The following UVRAG variants were observed in gnomAD, a reference collection of about 807,000 sequenced individuals.
The protein encoded by UVRAG is UV radiation resistance-associated gene protein.
Under a neutral mutation model 78.0 loss-of-function variants are expected in UVRAG, and 19 were observed. The observed-to-expected ratio is 0.24, with a 90% confidence interval of 0.17 to 0.36. The LOEUF is 0.36. Ranked by LOEUF, UVRAG falls within the 10% of genes least tolerant of loss-of-function variation. UVRAG has a pLI of 1.00. For synonymous variants in UVRAG, 323 were observed against 324.6 expected (o/e 1.00, Z 0.05); for missense variants, 740 against 853.8 (o/e 0.87, Z 1.66).
At chr11:75,981,507 A>G (rs1055165610) in intron 7 of UVRAG, among the ~76,000 whole-genome samples, 2 of 151,932 alleles carry the variant, frequency 1.3e-5, no homozygotes, top group African/African-American at 2.4e-5. Flanking sequence ...CTGAAGTACA[A>G]TGGCATCATC....
intron 5 of UVRAG, among the ~76,000 whole-genome samples, chr11:75,894,293 A>G (rs2134952654): frequency 6.6e-6 from 1 of 152,202 alleles, no homozygotes; most frequent in South Asian, 2.1e-4. Flanking sequence ...TAGCAATTTG[A>G]CGTTATTGTG....
chr11:76,115,776 A>C (rs1276292782), intron 13 of UVRAG, 148 bp from the exon 14 acceptor site: 1 of 661,218 alleles, frequency 1.5e-6, no homozygotes, highest in African/African-American at 1.8e-5. Flanking sequence ...AATACCCAGT[A>C]AGTGGAAAGT....
At chr11:75,985,149 C>A (rs1022356478) in intron 8 of UVRAG, among the ~76,000 whole-genome samples, 1 of 133,374 alleles carries the variant, frequency 7.5e-6, no homozygotes, top group African/African-American at 2.9e-5. Flanking sequence ...TCAGGAATTT[C>A]TTTTCTTTTT....
chr11:75,866,357 C>CAATAAATAAATAAATAAATA (rs376334935), intron 3 of UVRAG, among the ~76,000 whole-genome samples: 3 of 148,706 alleles, frequency 2.0e-5, no homozygotes, highest in African/African-American at 7.7e-5. Flanking sequence ...CCCATCTCTA[C>CAATAAATAAATAAATAAATA]AATAAATAAA....
In UVRAG at chr11:75,871,566, G is replaced by C. The variant is rs571737639; in HGVS notation, c.271-8313G>C. The stretch of plus-strand genomic sequence containing the variant: ...CCCAAAGTGCTCGGATTACAGGCAC[G>C]AGCCACCGCGCCCGGACTGCATCTG... On this transcript the variant is annotated intron_variant, in intron 3 of 14. Transcript: ENST00000356136. Among the ~76,000 whole-genome samples, 20 of 152,210 alleles carry C rather than the reference G, an allele frequency of 1.3e-4. No homozygotes were observed. In the South Asian group the frequency reaches 3.9e-3, roughly 30 times the overall value.
chr11:75,892,982 A>C (rs1947250362), intron 5 of UVRAG, among the ~76,000 whole-genome samples: 1 of 152,138 alleles, frequency 6.6e-6, no homozygotes. Flanking sequence ...ATTCAAGACC[A>C]GCCTAGCCAA....
At chr11:75,853,271 C>A (rs1157875503) in intron 2 of UVRAG, among the ~76,000 whole-genome samples, 2 of 151,662 alleles carry the variant, frequency 1.3e-5, no homozygotes. Flanking sequence ...TTTTTAATGT[C>A]AATTCCAGTA....
intron 1 of UVRAG, among the ~76,000 whole-genome samples, chr11:75,819,891 C>T (rs886537076): frequency 6.6e-6 from 1 of 152,068 alleles, no homozygotes; most frequent in African/African-American, 2.4e-5. Flanking sequence ...TTGCTTGAAC[C>T]TGGGAGGCAG....
At chr11:76,062,060 T>G (rs1245576244) in intron 12 of UVRAG, among the ~76,000 whole-genome samples, 1 of 152,088 alleles carries the variant, frequency 6.6e-6, no homozygotes, top group Non-Finnish European at 1.5e-5. Flanking sequence ...CCACACTCCT[T>G]TCTTTATCCT....
chr11:76,066,242 C>T (rs1011809176), intron 13 of UVRAG, among the ~76,000 whole-genome samples: 1 of 152,124 alleles, frequency 6.6e-6, no homozygotes, highest in South Asian at 2.1e-4. Flanking sequence ...AGCACATGAC[C>T]CTTCCAGTCT....
chr11:75,959,742 A>G (rs1948874265), intron 6 of UVRAG, among the ~76,000 whole-genome samples: 2 of 152,202 alleles, frequency 1.3e-5, no homozygotes, highest in African/African-American at 4.8e-5. Context: ...TTTTTGGCTT[A>G]TCTTGGCTTT....
At chr11:75,992,371 T>G (rs1949624409) in intron 8 of UVRAG, among the ~76,000 whole-genome samples, 1 of 152,152 alleles carries the variant, frequency 6.6e-6, no homozygotes, top group African/African-American at 2.4e-5. Flanking sequence ...TAACACTGAG[T>G]TTGTACTTGA....
chr11:76,019,685 GTCTC>G (rs901338994), intron 12 of UVRAG, among the ~76,000 whole-genome samples: 2 of 152,104 alleles, frequency 1.3e-5, no homozygotes, highest in African/African-American at 2.4e-5. Context: ...CTTTTTCTCA[GTCTC>G]TCTCTCTATG....
chr11:75,818,780 A>G (rs1489343448), intron 1 of UVRAG, among the ~76,000 whole-genome samples: 1 of 152,178 alleles, frequency 6.6e-6, no homozygotes, highest in Non-Finnish European at 1.5e-5. Flanking sequence ...CCCGGCTGGT[A>G]TCAATATTTC....
rs989582472 is a variant in UVRAG at position 75,989,042 on chromosome 11, A to G, written c.826+5529A>G. On this transcript the variant is annotated intron_variant, in intron 8 of 14. Coordinates refer to ENST00000356136, the MANE Select transcript of UVRAG (RefSeq NM_003369.4). ...TTAACAGTGTATTTTGAGTTTATTC[A>G]TCATTTTTTTTAAACTTTATTCTTT... Among the ~76,000 whole-genome samples, 7 of 151,820 alleles carry G rather than the reference A, an allele frequency of 4.6e-5. 1 individual carries two copies. The South Asian group carries it at 1.5e-3, about 32-fold the overall frequency.
Position 76,116,056 on chromosome 11 carries a change from G to A in UVRAG, c.1397+41G>A, listed in dbSNP as rs905985086. The A allele has an allele frequency of 5.7e-6, 9 of 1,578,984 alleles. No individual in the cohort carries two copies. The African/African-American group carries it at 1.1e-4, about 19-fold the overall frequency. On this transcript the variant is annotated intron_variant, in intron 14 of 14. Coordinates refer to ENST00000356136, the MANE Select transcript of UVRAG (RefSeq NM_003369.4). Reference sequence around the variant, plus strand: ...TCTGATAACCAGAAACTGTAATGTGGATAGGATCCTGAAAATCTTTTCTGA... The same window carrying A: ...TCTGATAACCAGAAACTGTAATGTGAATAGGATCCTGAAAATCTTTTCTGA...
At chr11:75,907,222 C>G (rs1342821412) in intron 5 of UVRAG, among the ~76,000 whole-genome samples, 1 of 152,128 alleles carries the variant, frequency 6.6e-6, no homozygotes, top group Non-Finnish European at 1.5e-5. Context: ...ATTGTTCTGG[C>G]TAGAACTTAG....
chr11:75,927,378 A>G (rs963269334), intron 6 of UVRAG, among the ~76,000 whole-genome samples: 1 of 152,100 alleles, frequency 6.6e-6, no homozygotes, highest in Non-Finnish European at 1.5e-5. Flanking sequence ...CAGGGATGTA[A>G]TTTGGAAGTG....
intron 8 of UVRAG, among the ~76,000 whole-genome samples, chr11:75,995,415 T>C (rs1212270526): frequency 6.6e-6 from 1 of 151,396 alleles, no homozygotes; most frequent in African/African-American, 2.4e-5. Flanking sequence ...TTACCCTTGG[T>C]AATTTCAGTG....
Sources: allele counts gnomAD v4.1 joint callset (sites outside exome capture counted in the v4.1 genomes callset), GRCh38; gene constraint gnomAD v4.1.1; transcripts MANE v1.5; gene names NCBI Gene and HGNC (gene_info 2026-07-23, HGNC 2026-07-21).